The following FBN3 variants were observed in gnomAD, a reference collection of about 807,000 sequenced individuals.
The protein encoded by FBN3 is fibrillin 3, also known as fibrillin-3.
A neutral mutation model predicts 330.1 loss-of-function variants in FBN3; 234 were observed. The ratio of observed to expected loss-of-function variants is 0.71; its 90% CI spans 0.64 to 0.79. The LOEUF is 0.79. FBN3 is among the 30% of genes least tolerant of loss of function. The pLI, the probability that FBN3 is intolerant of heterozygous loss-of-function variation, is 0.00. For missense variants in FBN3, 3,606 were observed against 3,886.9 expected (o/e 0.93, Z 1.92); for synonymous variants, 1,458 against 1,517.3 (o/e 0.96, Z 0.91).
intron 62 of FBN3, among the ~76,000 whole-genome samples, chr19:8,072,805 C>T (rs1173259113): frequency 6.6e-6 from 1 of 151,924 alleles, no homozygotes; most frequent in African/African-American, 2.4e-5. Flanking sequence ...CGGGTGTGTG[C>T]CATGTGGACA....
chr19:8,120,468 C>G (rs2082819051), intron 25 of FBN3, among the ~76,000 whole-genome samples: 1 of 145,444 alleles, frequency 6.9e-6, no homozygotes, highest in South Asian at 2.2e-4. Flanking sequence ...CCATGCCTGG[C>G]TTTTTCCTCT....
chr19:8,097,091 G>A, intron 42 of FBN3, 85 bp from the exon 43 acceptor site: 1 of 1,550,748 alleles, frequency 6.4e-7, no homozygotes, highest in Non-Finnish European at 8.8e-7. Flanking sequence ...CACTGCTTCG[G>A]AGCAGGTGGT....
Position 8,065,992 on chromosome 19 carries a change from C to T in FBN3, c.8357G>A (p.Gly2786Asp), listed in dbSNP as rs760179129. The T allele has an allele frequency of 2.6e-5, 42 of 1,612,952 alleles. No homozygotes were observed. The highest frequency in any genetic ancestry group is 1.7e-4 in the Middle Eastern group (1 of 6,060). ...EVVSHMAGPW[G>D]VQPEGQPGPW... Reference sequence around the variant, plus strand: ...CCCTGGCTGCCCCTCTGGCTGGACACCCCAGGGTCCTGCCATGTGGCTCAC... The same window carrying T: ...CCCTGGCTGCCCCTCTGGCTGGACATCCCAGGGTCCTGCCATGTGGCTCAC... The change falls in exon 64 of 64, where the codon GGT (glycine) becomes GAT (aspartate). Residue 2786 changes from glycine (G) to aspartate (D), a missense_variant. Transcript: ENST00000600128.
rs2081996315 is a variant in FBN3 at position 8,087,678 on chromosome 19, C to T, written c.6619+147G>A. ...CTGGAGTGCAGTGGCATGATCTCGG[C>T]TCACTGCAACCTCCGCCTCCCAGGT... On this transcript the variant is annotated intron_variant, in intron 53 of 63. Coordinates refer to ENST00000600128, the MANE Select transcript of FBN3 (RefSeq NM_032447.5). 5 of 581,076 alleles carry T rather than the reference C, an allele frequency of 8.6e-6. No individual in the cohort carries two copies. The East Asian group carries it at 1.1e-4, about 13-fold the overall frequency. 36.0% of individuals were successfully genotyped at this position (581,076 alleles called of 1,614,324 possible).
chr19:8,135,936 G>GGGGGGGGGGGGGCCCCCCCCCCCCCC, intron 13 of FBN3, 25 bp downstream of exon 13: 19 of 668,686 alleles, frequency 2.8e-5, no homozygotes, highest in East Asian at 1.6e-4. Flanking sequence ...GGAAGCCCCT[G>GGGGGGGGGGGGGCCCCCCCCCCCCCC]CCCACCCGCC....
At chr19:8,113,291 T>C (rs1055044398) in intron 30 of FBN3, among the ~76,000 whole-genome samples, 3 of 152,090 alleles carry the variant, frequency 2.0e-5, no homozygotes, top group Admixed American at 6.5e-5. Context: ...CCCTGAGGCA[T>C]GGTTTCACTC....
At chr19:8,135,936 G>GGGGGGGGGGGGGGCGGCCCC in intron 13 of FBN3, 25 bp downstream of exon 13, 1 of 668,778 alleles carries the variant, frequency 1.5e-6, no homozygotes, top group Non-Finnish European at 2.4e-6. Flanking sequence ...GGAAGCCCCT[G>GGGGGGGGGGGGGGCGGCCCC]CCCACCCGCC....
chr19:8,129,992 C>T lies in FBN3; in HGVS notation c.2045-627G>A, dbSNP rs1031859081. 2.0e-5 allele frequency among the ~76,000 whole-genome samples: 3 copies of T among 151,862 alleles called. No individual in the cohort carries two copies. The highest frequency in any genetic ancestry group is 4.8e-5 in the African/African-American group (2 of 41,342). The stretch of plus-strand genomic sequence containing the variant: ...GGCTCACTGCAACCTCCACCTCCCT[C>T]GTTCAAGTGATTCTCATGACTCAGC... On this transcript the variant is annotated intron_variant, in intron 16 of 63. Transcript: ENST00000600128. The surrounding 1 kb of genome is among the most constrained non-coding windows in gnomAD (Gnocchi z 4.5).
At chr19:8,123,741 C>G in intron 23 of FBN3, 43 bp downstream of exon 23, 1 of 1,605,260 alleles carries the variant, frequency 6.2e-7, no homozygotes, top group Non-Finnish European at 8.5e-7. Context: ...ATGCCGTGCC[C>G]CTCCCCATCC....
In FBN3 at chr19:8,138,489, C is replaced by G; in HGVS notation, c.941G>C (p.Arg314Pro). ...CAGDLAGHYT[R>P]RQCCCDRGRC... ...GCCCCTGTCACAGCAGCACTGCCTG[C>G]GAGTGTAGTGGCCGGCGAGGTCTCC... is the stretch of plus-strand genomic sequence containing the variant. The change falls in exon 9 of 64, where the codon CGC (arginine) becomes CCC (proline). Residue 314 changes from arginine (R) to proline (P), a missense_variant. By Grantham distance (103) the Arg-to-Pro change is moderately radical. Transcript: ENST00000600128. The G allele has an allele frequency of 6.2e-7, 1 of 1,613,174 alleles. No individual in the cohort carries two copies. Among genetic ancestry groups the G allele is most frequent in the Non-Finnish European group, 8.5e-7 (1 of 1,179,968 alleles).
chr19:8,097,957 G>A (rs1052005074), intron 41 of FBN3, among the ~76,000 whole-genome samples: 5 of 152,192 alleles, frequency 3.3e-5, no homozygotes, highest in Admixed American at 2.6e-4. Flanking sequence ...ACAGAAAGTC[G>A]ATTTGTGGTT....
intron 38 of FBN3, 23 bp downstream of exon 38, chr19:8,106,085 C>T (rs1174263974): frequency 3.7e-6 from 6 of 1,613,554 alleles, no homozygotes; most frequent in African/African-American, 2.7e-5. Context: ...GCCTGACCCA[C>T]CCCAAAGAGA....
intron 13 of FBN3, 26 bp downstream of exon 13, chr19:8,135,935 T>TTGGGGGGGGGGGGGGGGGGGGGGCG: frequency 1.5e-5 from 20 of 1,344,156 alleles, no homozygotes; most frequent in African/African-American, 3.1e-5. Context: ...CGGAAGCCCC[T>TTGGGGGGGGGGGGGGGGGGGGGGCG]GCCCACCCGC....
rs35477781 is a variant in FBN3 at position 8,075,153 on chromosome 19, A to G, written c.7620T>C (p.His2540=). 1 of 1,575,954 alleles carries G rather than the reference A, an allele frequency of 6.3e-7. No homozygotes were observed. Residue 2540 remains histidine (H), a synonymous_variant, in exon 61 of 64, where the codon CAT becomes CAC. Transcript: ENST00000600128. ...NECDGPHRCQ[H]GCQNQLGGYR... ...AGCCCCCTAGCTGGTTCTGACAGCC[A>G]TGCTGGCAGCGGTGGGGCCCATCAC...
intron 6 of FBN3, among the ~76,000 whole-genome samples, chr19:8,143,492 CTTTTCTTTTTTT>C (rs2083460454): frequency 1.6e-5 from 2 of 122,790 alleles, no homozygotes; most frequent in African/African-American, 6.8e-5. Flanking sequence ...TTTTTCTTTT[CTTTTCTTTTTTT>C]TTTTTTTTTT....
At position 8,089,502 on chromosome 19, in the gene FBN3, G is replaced by A. The variant is rs777325049; in HGVS notation, c.6376+43C>T. 3.1e-6 allele frequency: 5 copies of A among 1,611,256 alleles called. No homozygotes were observed. The Admixed American group carries it at 6.7e-5, about 22-fold the overall frequency. On this transcript the variant is annotated intron_variant, in intron 51 of 63. Coordinates refer to ENST00000600128, the MANE Select transcript of FBN3 (RefSeq NM_032447.5). ...GCCCTGCTCTGCTCCTTCCTGTCCTGGGAGGGGCCTGGGACAGAGCTGGGG... is the reference window on the plus strand; with the variant it reads ...GCCCTGCTCTGCTCCTTCCTGTCCTAGGAGGGGCCTGGGACAGAGCTGGGG...
chr19:8,084,082 G>A (rs1352714605), intron 56 of FBN3, among the ~76,000 whole-genome samples: 3 of 151,850 alleles, frequency 2.0e-5, no homozygotes, highest in East Asian at 2.0e-4. Context: ...GATTACAGGC[G>A]TGAGCCACCG....
In FBN3 at chr19:8,083,274, G is replaced by C; in HGVS notation, c.7186C>G (p.Pro2396Ala). ...FRCHCQAGYT[P>A]DATATTCLDM... Reference sequence around the variant, plus strand: ...AGGCAGGTAGTAGCAGTAGCATCCGGTGTGTACCCGGCCTGACAGTGGCAG... The same window carrying C: ...AGGCAGGTAGTAGCAGTAGCATCCGCTGTGTACCCGGCCTGACAGTGGCAG... The change falls in exon 57 of 64, where the codon CCG becomes GCG. Residue 2396 changes from proline to alanine, a missense_variant. Coordinates refer to ENST00000600128, the MANE Select transcript of FBN3 (RefSeq NM_032447.5). 6.2e-7 allele frequency: 1 copy of C among 1,614,146 alleles called. No homozygotes were observed. The highest frequency in any genetic ancestry group is 8.5e-7 in the Non-Finnish European group (1 of 1,180,038).
intron 63 of FBN3, among the ~76,000 whole-genome samples, chr19:8,071,433 C>A (rs867864480): frequency 6.6e-6 from 1 of 152,128 alleles, no homozygotes; most frequent in African/African-American, 2.4e-5. Flanking sequence ...CAGGTTGGGG[C>A]CCTGGGGCTC....
Sources: allele counts gnomAD v4.1 joint callset (sites outside exome capture counted in the v4.1 genomes callset), GRCh38; gene constraint gnomAD v4.1.1; non-coding constraint Gnocchi (gnomAD v3.1); transcripts MANE v1.5; gene names NCBI Gene and HGNC (gene_info 2026-07-23, HGNC 2026-07-21).